PIP5K1C: variants seen among roughly 807,000 people sequenced by gnomAD.
The protein encoded by PIP5K1C is phosphatidylinositol 4-phosphate 5-kinase type-1 gamma.
Under a neutral mutation model 80.1 loss-of-function variants are expected in PIP5K1C, and 45 were observed. That is an observed-to-expected ratio of 0.56 (90% confidence interval 0.44 to 0.72). The LOEUF is 0.72. Among genes scored for constraint, PIP5K1C ranks in the 30% least tolerant of loss-of-function variants. PIP5K1C has a pLI of 0.00. For synonymous variants in PIP5K1C, 498 were observed against 420.1 expected, an observed-to-expected ratio of 1.19 and a Z score of -2.27; for missense variants, 753 against 954.6, an observed-to-expected ratio of 0.79 and a Z score of 2.78.
At chr19:3,699,801 C>T (rs1600109313) in intron 1 of PIP5K1C, among the ~76,000 whole-genome samples, 1 of 152,216 alleles carries the variant, frequency 6.6e-6, no homozygotes, top group East Asian at 1.9e-4. Flanking sequence ...TGTGCACAGC[C>T]GGGGCGGTGG....
chr19:3,677,449 G>A (rs2035394450), intron 1 of PIP5K1C, among the ~76,000 whole-genome samples: 1 of 151,936 alleles, frequency 6.6e-6, no homozygotes, highest in Non-Finnish European at 1.5e-5. Context: ...CGGGTGTGGT[G>A]GCCAGTGCCT....
rs200245078 is a variant in PIP5K1C at position 3,667,390 on chromosome 19, C to T, written c.95-37G>A. 15 of 1,612,456 alleles carry T rather than the reference C, an allele frequency of 9.3e-6. No individual in the cohort carries two copies. The South Asian group carries it at 1.2e-4, about 13-fold the overall frequency. On this transcript the variant is annotated intron_variant, in intron 1 of 17. Coordinates refer to ENST00000335312, the MANE Select transcript of PIP5K1C (RefSeq NM_012398.3). ...ACAAGCTGGGTATCAGACAGGAAAC[C>T]GGTGACCTCTGGGAGTCCTGGGCCC...
At position 3,656,658 on chromosome 19, in the gene PIP5K1C, C is replaced by A. The variant is rs575169422; in HGVS notation, c.469-101G>T. The A allele has an allele frequency of 9.9e-6, 13 of 1,316,302 alleles. No homozygotes were observed. In the East Asian group the frequency reaches 2.8e-4, roughly 28 times the overall value. The allele number at this position is 1,316,302 out of a possible 1,614,324, so 81.5% of individuals were successfully genotyped here. A position where few individuals can be genotyped will look rare whatever the true frequency, so the allele number is the denominator to read the frequency against. ...ACAGCCCCAGGAACTGATGACGGGT[C>A]GCTGCATTTTACAGATGCGGAAAGA... On this transcript the variant is annotated intron_variant, in intron 5 of 17. Coordinates refer to ENST00000335312, the MANE Select transcript of PIP5K1C (RefSeq NM_012398.3).
chr19:3,666,119 G>A (rs1429284533), intron 2 of PIP5K1C, among the ~76,000 whole-genome samples: 1 of 152,256 alleles, frequency 6.6e-6, no homozygotes, highest in African/African-American at 2.4e-5. Context: ...GGGGGACTCT[G>A]AGGAAGGATC....
chr19:3,656,702 G>C, intron 5 of PIP5K1C, 145 bp from the exon 6 acceptor site: 4 of 964,534 alleles, frequency 4.1e-6, no homozygotes, highest in Non-Finnish European at 4.8e-6. Context: ...GAGAGGGCGA[G>C]AGACTTGCCT....
intron 6 of PIP5K1C, among the ~76,000 whole-genome samples, chr19:3,654,176 T>G (rs2145450918): frequency 6.6e-6 from 1 of 152,340 alleles, no homozygotes; most frequent in South Asian, 2.1e-4. Flanking sequence ...TGGTTATGCT[T>G]TGCCTGTGTT....
At chr19:3,675,518 A>G (rs1352941021) in intron 1 of PIP5K1C, among the ~76,000 whole-genome samples, 1 of 152,176 alleles carries the variant, frequency 6.6e-6, no homozygotes, top group Non-Finnish European at 1.5e-5. Context: ...GGCTTTTGTG[A>G]AACGCAGTAA....
intron 5 of PIP5K1C, among the ~76,000 whole-genome samples, chr19:3,658,637 G>A (rs549733195): frequency 6.6e-6 from 1 of 152,348 alleles, no homozygotes; most frequent in East Asian, 1.9e-4. Flanking sequence ...CGGAGCAGGG[G>A]ACACCCCAAG....
rs117718220 is a variant in PIP5K1C at position 3,648,936 on chromosome 19, C to A, written c.1128-228G>T. ...CTGCTGAGGAGTCCCAGCTAGGAGG[C>A]CTGGGCACATACCCCCTACACACAC... is the stretch of plus-strand genomic sequence containing the variant. On this transcript the variant is annotated intron_variant, in intron 8 of 17. Transcript: ENST00000335312. This position sits in a 1 kb window ranked among gnomAD's most constrained non-coding sequence, Gnocchi z 4.3. Among the ~76,000 whole-genome samples the A allele has an allele frequency of 1.3e-5, 2 of 152,250 alleles. No homozygotes were observed. The highest frequency in any genetic ancestry group is 3.9e-4 in the East Asian group (2 of 5,184).
intron 1 of PIP5K1C, among the ~76,000 whole-genome samples, chr19:3,676,566 C>T (rs545745054): frequency 1.8e-4 from 28 of 152,354 alleles, no homozygotes; most frequent in East Asian, 9.6e-4. Context: ...CACTCCCCGA[C>T]GGCGCGTGGC....
intron 1 of PIP5K1C, among the ~76,000 whole-genome samples, chr19:3,685,882 G>C (rs1055907472): frequency 6.6e-6 from 1 of 152,016 alleles, no homozygotes; most frequent in Non-Finnish European, 1.5e-5. Flanking sequence ...TTTTTTTGTA[G>C]AGACGGGGTC....
intron 1 of PIP5K1C, among the ~76,000 whole-genome samples, chr19:3,695,005 G>A (rs766798153): frequency 6.6e-6 from 1 of 152,280 alleles, no homozygotes; most frequent in Non-Finnish European, 1.5e-5. Flanking sequence ...GGCCACCAAG[G>A]CCGGCAACGG....
chr19:3,650,904 G>C (rs1181200378), intron 8 of PIP5K1C, among the ~76,000 whole-genome samples: 1 of 151,986 alleles, frequency 6.6e-6, no homozygotes, highest in African/African-American at 2.4e-5. Context: ...TTACAGGCGT[G>C]CACCACCACG....
chr19:3,683,915 GGGCAGTCCCACACCCCCC>G (rs2035670749), intron 1 of PIP5K1C, among the ~76,000 whole-genome samples: 1 of 45,018 alleles, frequency 2.2e-5, no homozygotes, highest in Non-Finnish European at 4.3e-5. Context: ...TTCCCCTCCC[GGGCAGTCCCACACCCCCC>G]CCACGCTGGA....
At chr19:3,698,045 C>T (rs1289877194) in intron 1 of PIP5K1C, among the ~76,000 whole-genome samples, 5 of 152,254 alleles carry the variant, frequency 3.3e-5, no homozygotes, top group East Asian at 1.9e-4. Context: ...CTGGCAGTGC[C>T]GTGGGAAACG....
chr19:3,632,852 TTG>T lies in PIP5K1C; in HGVS notation c.*313_*314del. 2.4e-6 allele frequency: 1 copy of T among 410,718 alleles called. No individual in the cohort carries two copies. 25.4% of individuals were successfully genotyped at this position (410,718 alleles called of 1,614,324 possible). A position where few individuals can be genotyped will look rare whatever the true frequency, so the allele number is the denominator to read the frequency against. On this transcript the variant is annotated 3_prime_UTR_variant, in exon 18 of 18. Transcript: ENST00000335312. ...GCTCTTCTCCCTCTGGTTGGTTTGT[TTG>T]TGTCTTTTTTGTTCTTTTCCTAAAA... is the stretch of plus-strand genomic sequence containing the variant.
In PIP5K1C at chr19:3,641,750, G is replaced by C. The variant is rs2033970131; in HGVS notation, c.1742C>G (p.Pro581Arg). ...DLQQITVQVE[P>R]ACSVEIVVPK... The stretch of plus-strand genomic sequence containing the variant: ...GACCACAATCTCCACGCTGCACGCA[G>C]GCTCCACCTGCACTGTAATCTGCTG... Residue 581 changes from proline (P) to arginine (R), a missense_variant, in exon 15 of 18, where the codon CCT becomes CGT. Transcript: ENST00000335312. 6.2e-7 allele frequency: 1 copy of C among 1,611,542 alleles called. No individual in the cohort carries two copies. Among genetic ancestry groups the C allele is most frequent in the Non-Finnish European group, 8.5e-7 (1 of 1,180,016 alleles).
At chr19:3,689,654 A>G (rs1228377559) in intron 1 of PIP5K1C, among the ~76,000 whole-genome samples, 1 of 152,196 alleles carries the variant, frequency 6.6e-6, no homozygotes, top group Non-Finnish European at 1.5e-5. Context: ...GTCTCAAAAA[A>G]ATAAAATAAT....
chr19:3,646,495 C>A (rs768109160), intron 10 of PIP5K1C, among the ~76,000 whole-genome samples: 7 of 152,106 alleles, frequency 4.6e-5, no homozygotes, highest in South Asian at 2.1e-4. Flanking sequence ...CTGTGAACGA[C>A]TCCACCCCCG....
Sources: allele counts gnomAD v4.1 joint callset (sites outside exome capture counted in the v4.1 genomes callset), GRCh38; gene constraint gnomAD v4.1.1; non-coding constraint Gnocchi (gnomAD v3.1); transcripts MANE v1.5; gene names NCBI Gene and HGNC (gene_info 2026-07-23, HGNC 2026-07-21).